Variants in KPNB1 observed in about 807,000 individuals in gnomAD.
KPNB1 encodes karyopherin subunit beta 1.
KPNB1 carries 7 observed loss-of-function variants against 113.0 expected under a neutral mutation model. The observed-to-expected ratio is 0.06, with a 90% CI of 0.04 to 0.12. The LOEUF is 0.12. KPNB1 is among the 10% of genes least tolerant of loss of function. The pLI, the probability that KPNB1 is intolerant of heterozygous loss-of-function variation, is 1.00. For missense variants in KPNB1, 400 were observed against 1,054.8 expected (o/e 0.38, Z 8.60); for synonymous variants, 363 against 378.6 (o/e 0.96, Z 0.48).
intron 19 of KPNB1, among the ~76,000 whole-genome samples, chr17:47,679,635 T>C (rs994464674): frequency 6.6e-6 from 1 of 152,112 alleles, no homozygotes; most frequent in Non-Finnish European, 1.5e-5. Flanking sequence ...TAGTTGGAAA[T>C]TTTGAAAAAG....
At chr17:47,659,385 TA>T (rs2030020807) in intron 5 of KPNB1, among the ~76,000 whole-genome samples, 1 of 151,880 alleles carries the variant, frequency 6.6e-6, no homozygotes, top group Admixed American at 6.6e-5. Flanking sequence ...AGAAAGAAAT[TA>T]TGGTATGTAC....
chr17:47,664,053 A>G (rs746856887), intron 7 of KPNB1, 106 bp from the exon 8 acceptor site: 11 of 643,898 alleles, frequency 1.7e-5, no homozygotes, highest in Non-Finnish European at 3.1e-5. Context: ...CTTCCTTTTT[A>G]TAGTTACATT....
rs970426195 is a variant in KPNB1, at chr17:47,650,376, C to A, written c.41-10C>A. 5 of 1,611,844 alleles carry A rather than the reference C, an allele frequency of 3.1e-6. No homozygotes were observed. Among genetic ancestry groups the A allele is most frequent in the Non-Finnish European group, 3.4e-6 (4 of 1,179,480 alleles). On this transcript the variant is annotated splice_polypyrimidine_tract_variant and intron_variant, in intron 1 of 21. Coordinates refer to ENST00000290158, the MANE Select transcript of KPNB1 (RefSeq NM_002265.6). ...TGACCCCGCTCCGTCTCCCACTTTC[C>A]TCCCCCTAGATCGGCTGGAGCTGGA... is the stretch of plus-strand genomic sequence containing the variant.
chr17:47,680,183 A>G (rs779276795), intron 20 of KPNB1, 49 bp downstream of exon 20: 2 of 1,255,644 alleles, frequency 1.6e-6, no homozygotes, highest in South Asian at 2.4e-5. Context: ...CTCACAGAAA[A>G]TGAGAAAACA....
intron 21 of KPNB1, among the ~76,000 whole-genome samples, chr17:47,681,686 G>GTTTTTGTTT (rs2030783811): frequency 1.0e-5 from 1 of 96,034 alleles, no homozygotes; most frequent in East Asian, 3.2e-4. Context: ...GGAATTATAG[G>GTTTTTGTTT]TTTTTTTTTT....
chr17:47,675,361 G>GTGTTTT (rs2030566872), intron 15 of KPNB1, among the ~76,000 whole-genome samples: 6 of 88,690 alleles, frequency 6.8e-5, no homozygotes, highest in Non-Finnish European at 1.2e-4. Context: ...CAGAGGTGTT[G>GTGTTTT]TTTTTTTTTT....
At chr17:47,681,635 T>C (rs966727807) in intron 21 of KPNB1, among the ~76,000 whole-genome samples, 1 of 150,848 alleles carries the variant, frequency 6.6e-6, no homozygotes, top group African/African-American at 2.4e-5. Flanking sequence ...CTTGAACTCC[T>C]GATTTTAGGT....
chr17:47,680,453 CATT>C (rs915672006), intron 20 of KPNB1, 52 bp from the exon 21 acceptor site: 142 of 1,591,448 alleles, frequency 8.9e-5, no homozygotes, highest in African/African-American at 7.2e-4. Context: ...AGGCTCAAAA[CATT>C]ATACTGGTAT....
In KPNB1 at chr17:47,674,755, C is replaced by T. The variant is rs1317948868; in HGVS notation, c.1885C>T (p.Leu629=). ...GTCTGGGGGAGTACAAGAGGATGCC[C>T]TGATGGCAGTTAGCACACTGGTGGA... ...AGSGGVQEDA[L]MAVSTLVEVL... Residue 629 remains leucine, a synonymous_variant, in exon 15 of 22, where the codon CTG becomes TTG. Transcript: ENST00000290158. The T allele has an allele frequency of 2.5e-6, 4 of 1,613,042 alleles. No individual in the cohort carries two copies. Among genetic ancestry groups the T allele is most frequent in the Non-Finnish European group, 3.4e-6 (4 of 1,179,724 alleles).
At chr17:47,675,388 T>G (rs1567894389) in intron 15 of KPNB1, among the ~76,000 whole-genome samples, 2 of 105,832 alleles carry the variant, frequency 1.9e-5, no homozygotes, top group Admixed American at 1.7e-4. Context: ...TTTTTTTGTT[T>G]GTTTTTTTTT....
chr17:47,678,677 G>A (rs1035106086), intron 19 of KPNB1: 21 of 378,812 alleles, frequency 5.5e-5, no homozygotes, highest in South Asian at 2.0e-4. Flanking sequence ...GTGCAATCTC[G>A]GCTCACTGCA....
chr17:47,674,427 G>T (rs1022846493), intron 14 of KPNB1, among the ~76,000 whole-genome samples: 2 of 152,202 alleles, frequency 1.3e-5, no homozygotes, highest in African/African-American at 4.8e-5. Context: ...CGGAGGATCA[G>T]CTCACGTTTG....
At chr17:47,661,282 G>A in intron 6 of KPNB1, 104 bp downstream of exon 6, 1 of 865,756 alleles carries the variant, frequency 1.2e-6, no homozygotes, top group Admixed American at 1.9e-5. Context: ...TCAGCAATAA[G>A]GTTTGATTAA....
intron 12 of KPNB1, among the ~76,000 whole-genome samples, chr17:47,671,515 C>A (rs1438750770): frequency 6.8e-6 from 1 of 147,128 alleles, no homozygotes; most frequent in African/African-American, 2.5e-5. Flanking sequence ...CAATAACTAC[C>A]ATTTTTATTT....
At chr17:47,681,683 TA>T (rs1199376162) in intron 21 of KPNB1, among the ~76,000 whole-genome samples, 4 of 143,388 alleles carry the variant, frequency 2.8e-5, no homozygotes, top group African/African-American at 1.0e-4. Context: ...GCTGGAATTA[TA>T]GGTTTTTTTT....
At position 47,675,361 on chromosome 17, in the gene KPNB1, G is replaced by GTTTTTGTTTTTT. The variant is rs2030568124; in HGVS notation, c.1912+584_1912+585insGTTTTTTTTTTT. Among the ~76,000 whole-genome samples, 61 of 88,682 alleles carry GTTTTTGTTTTTT rather than the reference G, an allele frequency of 6.9e-4. 2 individuals carry two copies. The highest frequency in any genetic ancestry group is 4.1e-3 in the East Asian group (14 of 3,440). The allele number at this position is 88,682 out of a possible 152,430, so 58.2% of individuals were successfully genotyped here. A position where few individuals can be genotyped will look rare whatever the true frequency, so the allele number is the denominator to read the frequency against. Reference sequence around the variant, plus strand: ...TGCAACGGAGATTGGCAGAGGTGTTGTTTTTTTTTTGTTTTTTTTTTTTGT... The same window carrying GTTTTTGTTTTTT: ...TGCAACGGAGATTGGCAGAGGTGTTGTTTTTGTTTTTTTTTTTTTTTTGTTTTTTTTTTTTGT... On this transcript the variant is annotated intron_variant, in intron 15 of 21. Transcript: ENST00000290158.
At position 47,656,246 on chromosome 17, in the gene KPNB1, C is replaced by T. The variant is rs970730261; in HGVS notation, c.283-614C>T. On this transcript the variant is annotated intron_variant, in intron 3 of 21. Transcript: ENST00000290158. Reference sequence around the variant, plus strand: ...CATGCTCCAGCCTGGGGGACACGAGCGAGACTTTGTCTCAAAAAAAAAAAG... The same window carrying T: ...CATGCTCCAGCCTGGGGGACACGAGTGAGACTTTGTCTCAAAAAAAAAAAG... Among the ~76,000 whole-genome samples, 14 of 137,654 alleles carry T rather than the reference C, an allele frequency of 1.0e-4. 1 individual carries two copies. The highest frequency in any genetic ancestry group is 8.7e-4 in the Admixed American group (11 of 12,692). The allele number at this position is 137,654 out of a possible 152,430, so 90.3% of individuals were successfully genotyped here.
chr17:47,652,690 A>T lies in KPNB1; in HGVS notation c.100-4A>T. 6.4e-7 allele frequency: 1 copy of T among 1,561,434 alleles called. No individual in the cohort carries two copies. Among genetic ancestry groups the T allele is most frequent in the African/African-American group, 1.4e-5 (1 of 72,388 alleles). ...TTATTTACAAATTTATCTTCCCTTA[A>T]CAGCCCACTTTCCTTGTGGAACTGT... On this transcript the variant is annotated splice_polypyrimidine_tract_variant and splice_region_variant and intron_variant, in intron 2 of 21. Coordinates refer to ENST00000290158, the MANE Select transcript of KPNB1 (RefSeq NM_002265.6).
rs1226481050 is a variant in KPNB1 at position 47,680,597 on chromosome 17, C to T, written c.2558C>T (p.Ser853Leu). ...IHELLTEGRR[S>L]KTNKAKTLAT... ...GAATTGTTAACTGAAGGGCGGAGAT[C>T]GAAGACTAACAAAGCAAAAACCCTT... Residue 853 changes from serine (S) to leucine (L), a missense_variant, in exon 21 of 22, where the codon TCG becomes TTG. Ser to Leu is a moderately radical substitution (Grantham distance 145). Around this residue, in one of 2 missense-constraint regions of KPNB1, gnomAD observed 115 missense variants for 427.9 expected, o/e 0.27. Transcript: ENST00000290158. The T allele has an allele frequency of 1.2e-6, 2 of 1,613,996 alleles. No homozygotes were observed. Among genetic ancestry groups the T allele is most frequent in the Admixed American group, 1.7e-5 (1 of 59,994 alleles).
Sources: allele counts gnomAD v4.1 joint callset (sites outside exome capture counted in the v4.1 genomes callset), GRCh38; gene constraint gnomAD v4.1.1; regional missense constraint gnomAD v4.1.1; transcripts MANE v1.5; gene names NCBI Gene and HGNC (gene_info 2026-07-23, HGNC 2026-07-21).